Variants in ITGAD observed in about 807,000 individuals in gnomAD.
ITGAD encodes the protein integrin subunit alpha D.
A neutral mutation model predicts 139.0 loss-of-function variants in ITGAD; 105 were observed. The observed-to-expected ratio is 0.76, with a 90% CI of 0.65 to 0.89. ITGAD has a LOEUF of 0.89. Among genes scored for constraint, ITGAD ranks in the 40% least tolerant of loss-of-function variants. The probability of loss-of-function intolerance (pLI) is 0.00; values close to 1 mark genes in which losing one functional copy is unlikely to be tolerated. For missense variants in ITGAD, 1,384 were observed against 1,487.3 expected, an observed-to-expected ratio of 0.93 and a Z score of 1.14; for synonymous variants, 569 against 598.3, an observed-to-expected ratio of 0.95 and a Z score of 0.71.
At position 31,413,253 on chromosome 16, in the gene ITGAD, T is replaced by TC. The variant is rs1358682481; in HGVS notation, c.1996+7_1996+8insC. 6.2e-7 allele frequency: 1 copy of TC among 1,613,678 alleles called. No individual in the cohort carries two copies. Among genetic ancestry groups the TC allele is most frequent in the Admixed American group, 1.7e-5 (1 of 59,948 alleles). ...AGCTCACTGGACCAGCTAGGTGTGT[T>TC]TCCCCCATAAAGGGGGCCCAGGCCC... On this transcript the variant is annotated splice_region_variant and intron_variant, in intron 16 of 29. Transcript: ENST00000389202.
rs1415480340 is a variant in ITGAD at position 31,407,858 on chromosome 16, C to T, written c.951C>T (p.Asn317=). ...AGGACCACGTGTTCAAGGTGGACAACTTTGCAGCCCTTGGCAGCATCCAGA... is the reference window on the plus strand; with the variant it reads ...AGGACCACGTGTTCAAGGTGGACAATTTTGCAGCCCTTGGCAGCATCCAGA... The part of the protein sequence containing the change: ...PPQDHVFKVD[N]FAALGSIQKQ... Residue 317 remains asparagine, a synonymous_variant, in exon 9 of 30, where the codon AAC becomes AAT. Coordinates refer to ENST00000389202, the MANE Select transcript of ITGAD (RefSeq NM_005353.3). 6.2e-7 allele frequency: 1 copy of T among 1,605,728 alleles called. No individual in the cohort carries two copies. The highest frequency in any genetic ancestry group is 8.5e-7 in the Non-Finnish European group (1 of 1,173,008).
rs1212044966 is a variant in ITGAD, at chr16:31,423,951, T to C, written c.3152T>C (p.Val1051Ala). ...AAGGGCAATCTCAGTTTCGGCTGGG[T>C]CCGCGAGGTGTGTGGGGGCAGCGGC... ...TLKGNLSFGW[V>A]RETLQKKVLV... is the part of the protein sequence containing the mutation. Residue 1051 changes from valine (V) to alanine (A), a missense_variant, in exon 27 of 30, where the codon GTC becomes GCC. By Grantham distance (64) the Val-to-Ala change is moderately conservative. Coordinates refer to ENST00000389202, the MANE Select transcript of ITGAD (RefSeq NM_005353.3). 2 of 1,614,052 alleles carry C rather than the reference T, an allele frequency of 1.2e-6. No individual in the cohort carries two copies. The highest frequency in any genetic ancestry group is 2.2e-5 in the South Asian group (2 of 91,080).
At position 31,416,515 on chromosome 16, in the gene ITGAD, C is replaced by A. The variant is rs777614955; in HGVS notation, c.2368C>A (p.Leu790Met). The A allele has an allele frequency of 6.2e-6, 10 of 1,611,618 alleles. No individual in the cohort carries two copies. Among genetic ancestry groups the A allele is most frequent in the Middle Eastern group, 3.3e-4 (2 of 6,056 alleles). ...VTLSFSGLQT[L>M]TVGSSLELNV... ...GTCCTTCCCCTTCAGCCTGCAGACC[C>A]TGACCGTGGGGAGCTCCCTGGAGCT... is the stretch of plus-strand genomic sequence containing the variant. The change falls in exon 20 of 30, where the codon CTG becomes ATG. Residue 790 changes from leucine to methionine, a missense_variant. Leu to Met is a conservative substitution (Grantham distance 15). Coordinates refer to ENST00000389202, the MANE Select transcript of ITGAD (RefSeq NM_005353.3).
chr16:31,416,230 C>T lies in ITGAD; in HGVS notation c.2301C>T (p.Asn767=). ...LFTASLPFEK[N]CGQDGLCEGD... ...TGCTGCAGCTCCCCTTCGAGAAGAA[C>T]TGTGGGCAAGATGGCCTCTGTGAAG... is the stretch of plus-strand genomic sequence containing the variant. Residue 767 remains asparagine, a synonymous_variant, in exon 19 of 30, where the codon AAC becomes AAT. Coordinates refer to ENST00000389202, the MANE Select transcript of ITGAD (RefSeq NM_005353.3). 1 of 1,606,936 alleles carries T rather than the reference C, an allele frequency of 6.2e-7. No homozygotes were observed. Among genetic ancestry groups the T allele is most frequent in the Middle Eastern group, 1.7e-4 (1 of 5,820 alleles).
At chr16:31,409,338 C>CAAA (rs34935482) in intron 10 of ITGAD, among the ~76,000 whole-genome samples, 8 of 143,998 alleles carry the variant, frequency 5.6e-5, no homozygotes, top group African/African-American at 1.9e-4. Flanking sequence ...CAAAACAAAG[C>CAAA]AAAAAAAAAC....
At position 31,423,673 on chromosome 16, in the gene ITGAD, C is replaced by T. The variant is rs113188228; in HGVS notation, c.3045+25C>T. 29 of 1,601,694 alleles carry T rather than the reference C, an allele frequency of 1.8e-5. 1 individual carries two copies. Among genetic ancestry groups the T allele is most frequent in the African/African-American group, 9.4e-5 (7 of 74,770 alleles). ...GGTGAGAAAGTCCCTGAACCCCCAC[C>T]GCCAAGATCAGCCCCCACCGGGGAT... is the stretch of plus-strand genomic sequence containing the variant. On this transcript the variant is annotated intron_variant, in intron 26 of 29. Coordinates refer to ENST00000389202, the MANE Select transcript of ITGAD (RefSeq NM_005353.3).
At position 31,396,291 on chromosome 16, in the gene ITGAD, G is replaced by A. The variant is rs139176073; in HGVS notation, c.138-1068G>A. Among the ~76,000 whole-genome samples, 662 of 152,290 alleles carry A rather than the reference G, an allele frequency of 4.3e-3. 5 individuals carry two copies. The highest frequency in any genetic ancestry group is 0.014 in the African/African-American group (600 of 41,554). ...GTTCAAGACCAGCCTGACCAATATG[G>A]TGAAACCCTGTCTCTACTAAAAAAT... On this transcript the variant is annotated intron_variant, in intron 2 of 29. Coordinates refer to ENST00000389202, the MANE Select transcript of ITGAD (RefSeq NM_005353.3).
intron 3 of ITGAD, 41 bp from the exon 4 acceptor site, chr16:31,397,555 G>A: frequency 6.2e-7 from 1 of 1,603,416 alleles, no homozygotes; most frequent in Non-Finnish European, 8.5e-7. Flanking sequence ...CCGCAAATGA[G>A]TGTGTGCTGT....
At chr16:31,414,709 G>A in intron 17 of ITGAD, 104 bp downstream of exon 17, 1 of 1,562,304 alleles carries the variant, frequency 6.4e-7, no homozygotes, top group Non-Finnish European at 8.7e-7. Context: ...TAGGATGTTG[G>A]GGCTGGAGAG....
chr16:31,393,644 A>T (rs2081191651), intron 1 of ITGAD, among the ~76,000 whole-genome samples: 1 of 151,720 alleles, frequency 6.6e-6, no homozygotes, highest in South Asian at 2.1e-4. Context: ...CCCTGCTCCC[A>T]CTCATGGAGT....
rs1567349740 is a variant in ITGAD at position 31,418,090 on chromosome 16, A to T, written c.2515A>T (p.Ser839Cys). ...VSGAQKQPHQ[S>C]ALRLACETVP... Reference sequence around the variant, plus strand: ...CCTCCCCTAGAAGCAGCCCCATCAGAGTGCCCTGCGCCTGGCATGTGAGAC... The same window carrying T: ...CCTCCCCTAGAAGCAGCCCCATCAGTGTGCCCTGCGCCTGGCATGTGAGAC... The change falls in exon 21 of 30, where the codon AGT (serine) becomes TGT (cysteine). Residue 839 changes from serine (S) to cysteine (C), a missense_variant. Transcript: ENST00000389202. 6.2e-7 allele frequency: 1 copy of T among 1,614,080 alleles called. No individual in the cohort carries two copies. The highest frequency in any genetic ancestry group is 8.5e-7 in the Non-Finnish European group (1 of 1,179,996).
chr16:31,413,287 AT>A lies in ITGAD; in HGVS notation c.1996+43del, dbSNP rs758459016. ...AAAGGGGGCCCAGGCCCCTCATTCC[AT>A]TAGGGGCCCCAATGCCATCCTGAGG... On this transcript the variant is annotated intron_variant, in intron 16 of 29. Transcript: ENST00000389202. The A allele has an allele frequency of 1.6e-4, 257 of 1,603,948 alleles. 1 individual carries two copies. Among genetic ancestry groups the A allele is most frequent in the Non-Finnish European group, 2.1e-4 (247 of 1,175,098 alleles).
At position 31,423,310 on chromosome 16, in the gene ITGAD, G is replaced by C. The variant is rs766272182; in HGVS notation, c.2860-42G>C. The C allele has an allele frequency of 1.4e-5, 23 of 1,596,684 alleles. No individual in the cohort carries two copies. In the East Asian group the frequency reaches 4.7e-4, roughly 33 times the overall value. ...CCAGGAGGGAAGTAGGATTTGGAAGGCTCCAGAGACCACAATAACACTCTG... is the reference window on the plus strand; with the variant it reads ...CCAGGAGGGAAGTAGGATTTGGAAGCCTCCAGAGACCACAATAACACTCTG... On this transcript the variant is annotated intron_variant, in intron 24 of 29. Coordinates refer to ENST00000389202, the MANE Select transcript of ITGAD (RefSeq NM_005353.3).
chr16:31,406,292 C>T (rs775588871), intron 7 of ITGAD, among the ~76,000 whole-genome samples: 7 of 152,112 alleles, frequency 4.6e-5, no homozygotes, highest in Non-Finnish European at 1.0e-4. Flanking sequence ...TCAGGCTGGT[C>T]GCAAACTCCT....
intron 5 of ITGAD, among the ~76,000 whole-genome samples, chr16:31,401,740 T>A (rs1163235909): frequency 6.6e-6 from 1 of 152,256 alleles, no homozygotes; most frequent in Admixed American, 6.5e-5. Flanking sequence ...GTAATGTGCC[T>A]GAATTCACCA....
In ITGAD at chr16:31,393,369, C is replaced by A. The variant is rs773502631; in HGVS notation, c.9C>A (p.Phe3Leu). 6.2e-7 allele frequency: 1 copy of A among 1,614,104 alleles called. No homozygotes were observed. The highest frequency in any genetic ancestry group is 2.2e-5 in the East Asian group (1 of 44,868). The change falls in exon 1 of 30, where the codon TTC becomes TTA. Residue 3 changes from phenylalanine (F) to leucine (L), a missense_variant. By Grantham distance (22) the Phe-to-Leu change is conservative. Transcript: ENST00000389202. The part of the protein sequence containing the change: MT[F>L]GTVLLLSVLA... ...CAACGCGCTGCTCAGGGATGACCTT[C>A]GGCACTGTGCTTCTTCTGAGTGGTA... is the stretch of plus-strand genomic sequence containing the variant.
chr16:31,414,834 G>A (rs1185537437), intron 17 of ITGAD, 26 bp from the exon 18 acceptor site: 29 of 1,612,288 alleles, frequency 1.8e-5, no homozygotes, highest in Non-Finnish European at 2.3e-5. Context: ...AGGACAGCAG[G>A]TTCTTGAAAG....
intron 7 of ITGAD, chr16:31,404,618 GA>G (rs2081492487): frequency 2.6e-5 from 4 of 152,404 alleles, no homozygotes; most frequent in Non-Finnish European, 2.9e-5. Context: ...GGGGCCTGGG[GA>G]AAAAAATGAA....
At position 31,426,031 on chromosome 16, in the gene ITGAD, G is replaced by A. The variant is rs138245714; in HGVS notation, c.3389G>A (p.Arg1130His). Residue 1130 changes from arginine (R) to histidine (H), a missense_variant, in exon 30 of 30, where the codon CGC becomes CAC. Physicochemically the swap from Arg to His is conservative, Grantham distance 29. Transcript: ENST00000389202. The part of the protein sequence containing the change: ...ATLYKLGFFK[R>H]HYKEMLEDKP... ...CCCTGATAGCTTGGCTTCTTCAAAC[G>A]CCACTACAAGGAAATGCTGGAGGAC... 259 of 1,613,260 alleles carry A rather than the reference G, an allele frequency of 1.6e-4. 1 individual carries two copies. Among genetic ancestry groups the A allele is most frequent in the Non-Finnish European group, 1.3e-4 (158 of 1,179,406 alleles).
Sources: gnomAD v4.1 joint callset for allele counts (sites outside exome capture counted in the v4.1 genomes callset) on GRCh38, gnomAD v4.1.1 for gene constraint, MANE v1.5 for transcripts, NCBI Gene and HGNC (gene_info 2026-07-23, HGNC 2026-07-21) for gene names.